Variants in CSGALNACT1 observed in about 807,000 individuals in gnomAD.
CSGALNACT1 encodes the protein beta4GalNAcT-1.
A neutral mutation model predicts 51.0 loss-of-function variants in CSGALNACT1; 52 were observed. The ratio of observed to expected loss-of-function variants is 1.02; its 90% CI spans 0.82 to 1.29. The LOEUF is 1.29. Among genes scored for constraint, CSGALNACT1 ranks in the 50% most tolerant of loss-of-function variants. CSGALNACT1 has a pLI of 0.00. For synonymous variants in CSGALNACT1, 341 were observed against 254.4 expected, an observed-to-expected ratio of 1.34 and a Z score of -3.24; for missense variants, 935 against 679.2, an observed-to-expected ratio of 1.38 and a Z score of -4.19.
At chr8:19,617,619 A>C (rs1299619920) in intron 1 of CSGALNACT1, among the ~76,000 whole-genome samples, 1 of 152,228 alleles carries the variant, frequency 6.6e-6, no homozygotes, top group East Asian at 1.9e-4. Flanking sequence ...TAGAAAAAAG[A>C]ATGTGCCAAG....
chr8:19,704,747 A>G (rs2062064730), intron 1 of CSGALNACT1, among the ~76,000 whole-genome samples: 1 of 152,200 alleles, frequency 6.6e-6, no homozygotes, highest in South Asian at 2.1e-4. Context: ...TACATAAAAC[A>G]GAATATTATT....
rs572512639 is a variant in CSGALNACT1 at position 19,495,497 on chromosome 8, T to G, written c.634+9704A>C. The stretch of plus-strand genomic sequence containing the variant: ...GTGAAATCCATCCACAGTTCTAACT[T>G]TGAAAGTCAGAATGACACCTCGCAG... On this transcript the variant is annotated intron_variant, in intron 4 of 9. Coordinates refer to ENST00000454498, the Ensembl canonical transcript of CSGALNACT1. Among the ~76,000 whole-genome samples the G allele has an allele frequency of 4.6e-5, 7 of 152,230 alleles. No homozygotes were observed. In the South Asian group the frequency reaches 1.2e-3, roughly 27 times the overall value.
At chr8:19,658,182 T>C (rs565354856) in intron 1 of CSGALNACT1, among the ~76,000 whole-genome samples, 1 of 151,452 alleles carries the variant, frequency 6.6e-6, no homozygotes, top group Admixed American at 6.6e-5. Context: ...TGTGCCCTTA[T>C]AACAGAATTA....
At chr8:19,566,905 C>G (rs1189058589) in intron 3 of CSGALNACT1, among the ~76,000 whole-genome samples, 1 of 152,204 alleles carries the variant, frequency 6.6e-6, no homozygotes, top group African/African-American at 2.4e-5. Context: ...CAAAGGTTCT[C>G]AAGGGTGAGG....
At chr8:19,682,937 T>C, upstream of CSGALNACT1, 1 of 322,490 alleles carries the variant, frequency 3.1e-6, no homozygotes, top group Non-Finnish European at 6.2e-6. Flanking sequence ...CCTGTACTTA[T>C]CCATCGCTAG....
intron 6 of CSGALNACT1, among the ~76,000 whole-genome samples, chr8:19,428,825 A>ATGTG (rs59241616): frequency 0.051 from 7,294 of 142,862 alleles, 208 homozygotes; most frequent in Middle Eastern, 0.058. Context: ...AAGACATGAT[A>ATGTG]TGTGTGTGTG....
At chr8:19,683,079 CAA>C, upstream of CSGALNACT1, 1 of 234,386 alleles carries the variant, frequency 4.3e-6, no homozygotes, top group Non-Finnish European at 8.7e-6. Context: ...AACAGATAGG[CAA>C]CTGTGTGCGA....
chr8:19,504,390 C>T (rs1414311279), intron 4 of CSGALNACT1, among the ~76,000 whole-genome samples: 1 of 152,192 alleles, frequency 6.6e-6, no homozygotes, highest in Non-Finnish European at 1.5e-5. Flanking sequence ...GAATTATATT[C>T]TTTTCAGAAA....
chr8:19,547,566 G>A (rs1417179599), intron 3 of CSGALNACT1, among the ~76,000 whole-genome samples: 2 of 152,116 alleles, frequency 1.3e-5, no homozygotes, highest in Admixed American at 6.6e-5. Context: ...CATGTAAGAC[G>A]TGCCTTTAGC....
chr8:19,479,747 G>T (rs919496119), intron 4 of CSGALNACT1, among the ~76,000 whole-genome samples: 1 of 145,710 alleles, frequency 6.9e-6, no homozygotes, highest in East Asian at 2.1e-4. Context: ...AGGAAAAGCC[G>T]TATTTCTTGA....
At chr8:19,620,205 C>T (rs2053632802) in intron 1 of CSGALNACT1, among the ~76,000 whole-genome samples, 1 of 150,020 alleles carries the variant, frequency 6.7e-6, no homozygotes, top group Non-Finnish European at 1.5e-5. Context: ...AACCCAGTTA[C>T]TCGGGAGGCT....
intron 5 of CSGALNACT1, among the ~76,000 whole-genome samples, chr8:19,443,697 G>A (rs566869408): frequency 6.6e-6 from 1 of 152,322 alleles, no homozygotes; most frequent in South Asian, 2.1e-4. Context: ...GACACATGGA[G>A]ATTACAATTC....
exon 4 of CSGALNACT1, chr8:19,505,365 T>C (rs936093395): frequency 6.2e-7 from 1 of 1,614,102 alleles, no homozygotes; most frequent in African/African-American, 1.3e-5. Flanking sequence ...CTCCAGCTGG[T>C]ACACCTTCTG....
chr8:19,673,390 G>A (rs919035344), intron 1 of CSGALNACT1, among the ~76,000 whole-genome samples: 2 of 152,236 alleles, frequency 1.3e-5, no homozygotes, highest in Admixed American at 6.5e-5. Flanking sequence ...GTAGATGCAT[G>A]CGACAGCTCT....
intron 1 of CSGALNACT1, among the ~76,000 whole-genome samples, chr8:19,707,720 G>A (rs577467419): frequency 6.6e-6 from 1 of 152,130 alleles, no homozygotes; most frequent in South Asian, 2.1e-4. Flanking sequence ...TAGCTATAAG[G>A]CCGGGTGTGG....
At chr8:19,464,797 G>C (rs914785334) in intron 4 of CSGALNACT1, among the ~76,000 whole-genome samples, 7 of 152,124 alleles carry the variant, frequency 4.6e-5, no homozygotes, top group African/African-American at 1.7e-4. Context: ...TTGTGGAATT[G>C]TCTTCCACAA....
At chr8:19,529,260 T>A (rs4922055) in intron 3 of CSGALNACT1, among the ~76,000 whole-genome samples, 1 of 151,964 alleles carries the variant, frequency 6.6e-6, no homozygotes, top group Non-Finnish European at 1.5e-5. Context: ...ATGCAGAAAT[T>A]TTTCCAGAAG....
intron 3 of CSGALNACT1, among the ~76,000 whole-genome samples, chr8:19,568,242 T>C (rs1342448829): frequency 3.3e-5 from 5 of 152,224 alleles, no homozygotes; most frequent in Non-Finnish European, 7.4e-5. Flanking sequence ...CTAGGCTATA[T>C]GGTATAGCCT....
intron 4 of CSGALNACT1, among the ~76,000 whole-genome samples, chr8:19,494,030 G>C (rs1175347101): frequency 6.6e-6 from 1 of 152,110 alleles, no homozygotes; most frequent in Non-Finnish European, 1.5e-5. Context: ...GACCCAGCTA[G>C]AAAACAAATC....
Sources: allele counts gnomAD v4.1 joint callset (sites outside exome capture counted in the v4.1 genomes callset), GRCh38; gene constraint gnomAD v4.1.1; transcripts MANE v1.5; gene names NCBI Gene and HGNC (gene_info 2026-07-23, HGNC 2026-07-21).